Variants in FAM177B observed in about 807,000 individuals in gnomAD.
FAM177B encodes family with sequence similarity 177 member B.
A neutral mutation model predicts 16.1 loss-of-function variants in FAM177B; 16 were observed. The observed-to-expected ratio is 0.99, with a 90% CI of 0.67 to 1.51. FAM177B has a LOEUF of 1.51. Among genes scored for constraint, FAM177B ranks in the 40% most tolerant of loss-of-function variants. FAM177B has a pLI of 0.00. For missense variants in FAM177B, 178 were observed against 183.7 expected, an observed-to-expected ratio of 0.97 and a Z score of 0.18; for synonymous variants, 56 against 59.9, an observed-to-expected ratio of 0.93 and a Z score of 0.30.
chr1:222,739,038 T>C (rs1658411077), intron 2 of FAM177B, among the ~76,000 whole-genome samples: 1 of 152,168 alleles, frequency 6.6e-6, no homozygotes, highest in African/African-American at 2.4e-5. Flanking sequence ...CGAAGACTGG[T>C]ATTTTCTTCA....
chr1:222,740,887 G>C (rs1481530962), intron 2 of FAM177B, among the ~76,000 whole-genome samples: 1 of 151,886 alleles, frequency 6.6e-6, no homozygotes, highest in Non-Finnish European at 1.5e-5. Context: ...ATTTAGTAGG[G>C]ACGGGGTTTC....
rs71175182 is a variant in FAM177B at position 222,738,564 on chromosome 1, C to CAAAAAAAAAAAA, written c.-16+549_-16+560dup. ...GGAGACTCCGTCTCTACAAAAACTG[C>CAAAAAAAAAAAA]AAAAAAAAAAAAAAAAAGGCTGGGC... On this transcript the variant is annotated intron_variant, in intron 2 of 5. Transcript: ENST00000445590. 7.9e-4 allele frequency among the ~76,000 whole-genome samples: 49 copies of CAAAAAAAAAAAA among 61,790 alleles called. 1 individual carries two copies. Among genetic ancestry groups the CAAAAAAAAAAAA allele is most frequent in the African/African-American group, 2.2e-3 (33 of 14,752 alleles). The allele number at this position is 61,790 out of a possible 152,430, so 40.5% of individuals were successfully genotyped here. A position where few individuals can be genotyped will look rare whatever the true frequency, so the allele number is the denominator to read the frequency against.
Position 222,750,438 on chromosome 1 carries a change from G to A in FAM177B, c.*380G>A, listed in dbSNP as rs1016970689. On this transcript the variant is annotated 3_prime_UTR_variant, in exon 6 of 6. Transcript: ENST00000445590. ...CATGGGACGAGGGTACAGTAAAGAA[G>A]CTCTATTCCTCAGAAGAAAATTTGG... The A allele has an allele frequency of 1.0e-6, 1 of 1,001,874 alleles. No individual in the cohort carries two copies. The highest frequency in any genetic ancestry group is 1.7e-5 in the African/African-American group (1 of 57,706). 62.1% of individuals were successfully genotyped at this position (1,001,874 alleles called of 1,614,324 possible).
intron 2 of FAM177B, chr1:222,742,641 A>G (rs1468740672): frequency 1.3e-5 from 2 of 152,186 alleles, no homozygotes; most frequent in Non-Finnish European, 2.9e-5. Flanking sequence ...TTTTTGTTTG[A>G]TTATTCATTG....
intron 4 of FAM177B, 105 bp from the exon 5 acceptor site, chr1:222,749,360 C>A: frequency 3.1e-6 from 2 of 637,194 alleles, no homozygotes; most frequent in Non-Finnish European, 2.8e-6. Flanking sequence ...TAGTAATAGA[C>A]CACTATTACT....
At chr1:222,747,191 A>G (rs779566321) in intron 4 of FAM177B, 110 bp downstream of exon 4, 11 of 763,642 alleles carry the variant, frequency 1.4e-5, no homozygotes, top group Non-Finnish European at 2.3e-5. Context: ...CGCATCCTGA[A>G]TAAGTGAGAT....
intron 4 of FAM177B, 141 bp downstream of exon 4, chr1:222,747,222 C>G: frequency 1.6e-6 from 1 of 635,312 alleles, no homozygotes; most frequent in Non-Finnish European, 2.8e-6. Context: ...CTTTCATTCC[C>G]AAAGGCACAG....
intron 5 of FAM177B, 135 bp downstream of exon 5, chr1:222,749,697 T>C: frequency 1.4e-6 from 1 of 737,774 alleles, no homozygotes; most frequent in Non-Finnish European, 2.3e-6. Flanking sequence ...ATAGTCAGAC[T>C]GACTTATTTT....
intron 2 of FAM177B, among the ~76,000 whole-genome samples, chr1:222,740,773 C>T (rs1347461214): frequency 2.6e-5 from 4 of 152,136 alleles, no homozygotes; most frequent in Non-Finnish European, 4.4e-5. Context: ...GATCTCAGCT[C>T]ACTGCAAGCT....
chr1:222,743,025 G>T (rs913701468), intron 2 of FAM177B, among the ~76,000 whole-genome samples: 2 of 152,090 alleles, frequency 1.3e-5, no homozygotes, highest in Non-Finnish European at 2.9e-5. Flanking sequence ...CTAATTCTCA[G>T]GTGAGGACTC....
At position 222,750,590 on chromosome 1, in the gene FAM177B, C is replaced by G. The variant is rs1659007793; in HGVS notation, c.*532C>G. The G allele has an allele frequency of 1.1e-6, 1 of 947,668 alleles. No individual in the cohort carries two copies. The highest frequency in any genetic ancestry group is 4.9e-5 in the South Asian group (1 of 20,492). The allele number at this position is 947,668 out of a possible 1,614,324, so 58.7% of individuals were successfully genotyped here. A position where few individuals can be genotyped will look rare whatever the true frequency, so the allele number is the denominator to read the frequency against. On this transcript the variant is annotated 3_prime_UTR_variant, in exon 6 of 6. Transcript: ENST00000445590. ...ATTGCTAATAACTGTGTTACAAGAT[C>G]ATTATCAAGATCTTTAAGAATTAGG...
intron 4 of FAM177B, chr1:222,749,056 A>G (rs936536570): frequency 2.1e-6 from 1 of 472,332 alleles, no homozygotes; most frequent in African/African-American, 2.0e-5. Flanking sequence ...AGAATTCCTG[A>G]TGTGGGTCTT....
intron 4 of FAM177B, 56 bp downstream of exon 4, chr1:222,747,137 G>T (rs554853891): frequency 8.5e-7 from 1 of 1,176,130 alleles, no homozygotes; most frequent in Admixed American, 1.7e-5. Context: ...ATATCGATAG[G>T]CCCTCAGAGT....
At position 222,750,226 on chromosome 1, in the gene FAM177B, G is replaced by C. The variant is rs929526349; in HGVS notation, c.*168G>C. On this transcript the variant is annotated 3_prime_UTR_variant, in exon 6 of 6. Transcript: ENST00000445590. ...TAATCTCTGTGTGACTTAGTCTCAA[G>C]CATCCAGGAATTACAAGCAATAATG... 2 of 1,415,636 alleles carry C rather than the reference G, an allele frequency of 1.4e-6. No homozygotes were observed. The highest frequency in any genetic ancestry group is 2.9e-5 in the African/African-American group (2 of 69,600). The allele number at this position is 1,415,636 out of a possible 1,614,324, so 87.7% of individuals were successfully genotyped here.
chr1:222,747,434 A>G (rs1658852848), intron 4 of FAM177B: 2 of 186,978 alleles, frequency 1.1e-5, no homozygotes, highest in East Asian at 2.8e-4. Context: ...TCTTCTTCTG[A>G]ATAAACTTCC....
chr1:222,749,095 T>C (rs1658930313), intron 4 of FAM177B: 2 of 471,284 alleles, frequency 4.2e-6, no homozygotes, highest in Non-Finnish European at 8.8e-6. Context: ...TTGGGTTTAA[T>C]TTGAAATATA....
Position 222,750,221 on chromosome 1 carries a change from C to G in FAM177B, c.*163C>G. 7.0e-7 allele frequency: 1 copy of G among 1,423,416 alleles called. No homozygotes were observed. The highest frequency in any genetic ancestry group is 1.7e-5 in the South Asian group (1 of 58,822). The allele number at this position is 1,423,416 out of a possible 1,614,324, so 88.2% of individuals were successfully genotyped here. ...GATCCTAATCTCTGTGTGACTTAGT[C>G]TCAAGCATCCAGGAATTACAAGCAA... On this transcript the variant is annotated 3_prime_UTR_variant, in exon 6 of 6. Coordinates refer to ENST00000445590, the MANE Select transcript of FAM177B (RefSeq NM_001394345.1).
chr1:222,746,610 C>T lies in FAM177B; in HGVS notation c.65C>T (p.Pro22Leu). The T allele has an allele frequency of 6.2e-7, 1 of 1,611,860 alleles. No individual in the cohort carries two copies. The highest frequency in any genetic ancestry group is 8.5e-7 in the Non-Finnish European group (1 of 1,177,976). ...AGTGTACCTTCCAAAAAGACTACTC[C>T]TAAAAGGATTATCCATTTTGTTGAC... Reference protein sequence around the residue: ...EKSVPSKKTTPKRIIHFVDGD... With the variant: ...EKSVPSKKTTLKRIIHFVDGD... The change falls in exon 3 of 6, where the codon CCT becomes CTT. Residue 22 changes from proline (P) to leucine (L), a missense_variant. Coordinates refer to ENST00000445590, the MANE Select transcript of FAM177B (RefSeq NM_001394345.1).
At position 222,749,480 on chromosome 1, in the gene FAM177B, G is replaced by C. The variant is rs1197319453; in HGVS notation, c.257G>C (p.Gly86Ala). 1.2e-6 allele frequency: 2 copies of C among 1,606,160 alleles called. No individual in the cohort carries two copies. Among genetic ancestry groups the C allele is most frequent in the Admixed American group, 3.4e-5 (2 of 59,268 alleles). The change falls in exon 5 of 6, where the codon GGT (glycine) becomes GCT (alanine). Residue 86 changes from glycine (G) to alanine (A), a missense_variant. By Grantham distance (60) the Gly-to-Ala change is moderately conservative (BLOSUM62 0). Coordinates refer to ENST00000445590, the MANE Select transcript of FAM177B (RefSeq NM_001394345.1). ...STSFSTCEFL[G>A]GRFAVFFGLT... ...TTTCTTTTAGCATGTGAATTCCTTGGTGGAAGATTTGCTGTCTTCTTTGGT... is the reference window on the plus strand; with the variant it reads ...TTTCTTTTAGCATGTGAATTCCTTGCTGGAAGATTTGCTGTCTTCTTTGGT...
Sources: allele counts gnomAD v4.1 joint callset (sites outside exome capture counted in the v4.1 genomes callset), GRCh38; gene constraint gnomAD v4.1.1; transcripts MANE v1.5; gene names NCBI Gene and HGNC (gene_info 2026-07-23, HGNC 2026-07-21).